Variants in AXDND1 observed in about 807,000 individuals in gnomAD.
The protein encoded by AXDND1 is axonemal dynein light chain domain-containing protein 1.
Under a neutral mutation model 137.5 loss-of-function variants are expected in AXDND1, and 110 were observed. That is an observed-to-expected ratio of 0.80 (90% confidence interval 0.69 to 0.94). The LOEUF (loss-of-function observed/expected upper bound fraction) is 0.94, where lower values mean the gene tolerates loss of function less well. Among genes scored for constraint, AXDND1 ranks in the 40% least tolerant of loss-of-function variants. The pLI is 0.00. For synonymous variants in AXDND1, 414 were observed against 399.7 expected (o/e 1.04, Z -0.43); for missense variants, 1,191 against 1,169.8 (o/e 1.02, Z -0.26).
intron 6 of AXDND1, among the ~76,000 whole-genome samples, chr1:179,382,385 A>C (rs1648517812): frequency 6.6e-6 from 1 of 152,060 alleles, no homozygotes; most frequent in Non-Finnish European, 1.5e-5. Flanking sequence ...CCGGCCCATT[A>C]TTTTGATGCT....
At chr1:179,539,894 A>T (rs1671951368) in intron 25 of AXDND1, among the ~76,000 whole-genome samples, 1 of 151,630 alleles carries the variant, frequency 6.6e-6, no homozygotes, top group Non-Finnish European at 1.5e-5. Flanking sequence ...ATTTCTTTTC[A>T]GTCTTTTTTC....
intron 25 of AXDND1, among the ~76,000 whole-genome samples, chr1:179,547,666 A>C (rs1047961874): frequency 6.6e-6 from 1 of 152,184 alleles, no homozygotes; most frequent in African/African-American, 2.4e-5. Flanking sequence ...TCCCACGAGC[A>C]CCTGACCTGG....
At chr1:179,524,654 C>T (rs1670373318) in intron 21 of AXDND1, among the ~76,000 whole-genome samples, 1 of 152,180 alleles carries the variant, frequency 6.6e-6, no homozygotes, top group African/African-American at 2.4e-5. Context: ...CGTGTCCATC[C>T]AGTCAATCAC....
At chr1:179,417,927 C>T (rs1341917010) in intron 12 of AXDND1, among the ~76,000 whole-genome samples, 1 of 150,108 alleles carries the variant, frequency 6.7e-6, no homozygotes, top group South Asian at 2.1e-4. Context: ...TACTTCTTTT[C>T]CAAATTTAGG....
intron 18 of AXDND1, among the ~76,000 whole-genome samples, chr1:179,484,857 A>C (rs36027796): frequency 0.55 from 83,540 of 152,046 alleles, 23,249 homozygotes; most frequent in East Asian, 0.76. Flanking sequence ...TGGCCCCACA[A>C]TCTGTCCTGC....
At chr1:179,525,713 T>G (rs1464157982) in intron 22 of AXDND1, among the ~76,000 whole-genome samples, 3 of 151,994 alleles carry the variant, frequency 2.0e-5, no homozygotes, top group Non-Finnish European at 1.5e-5. Flanking sequence ...CCCAGGCTGG[T>G]CTTGAACTGG....
intron 21 of AXDND1, among the ~76,000 whole-genome samples, chr1:179,517,000 C>A (rs1238434770): frequency 6.6e-6 from 1 of 152,122 alleles, no homozygotes; most frequent in East Asian, 1.9e-4. Context: ...TGGTGGTGGG[C>A]AGAGCCCCAG....
intron 20 of AXDND1, among the ~76,000 whole-genome samples, chr1:179,502,307 G>C (rs1668070748): frequency 6.6e-6 from 1 of 152,196 alleles, no homozygotes; most frequent in Admixed American, 6.5e-5. Flanking sequence ...GCTTACGCCT[G>C]TAATCTCAGC....
In AXDND1 at chr1:179,434,441, C is replaced by T. The variant is rs761618701; in HGVS notation, c.1563+2099C>T. Among the ~76,000 whole-genome samples, 8 of 152,218 alleles carry T rather than the reference C, an allele frequency of 5.3e-5. No homozygotes were observed. In the South Asian group the frequency reaches 8.3e-4, roughly 16 times the overall value. ...CCAGTATCCCTGATGAACATTGATG[C>T]GAAAATCCTCAATAAAATACTGGCA... On this transcript the variant is annotated intron_variant, in intron 15 of 25. Transcript: ENST00000367618.
At chr1:179,454,836 A>C (rs1398585810) in intron 16 of AXDND1, 1 of 152,258 alleles carries the variant, frequency 6.6e-6, no homozygotes, top group African/African-American at 2.4e-5. Context: ...GCTCAAACCT[A>C]TAATTCTAGC....
At position 179,527,596 on chromosome 1, in the gene AXDND1, T is replaced by C. The variant is rs536745065; in HGVS notation, c.2611-731T>C. The stretch of plus-strand genomic sequence containing the variant: ...ACAAGCTGATCACCAGCCTTTATAA[T>C]AAAGTACACTATTCTTAGTGTTAAT... On this transcript the variant is annotated intron_variant, in intron 22 of 25. Coordinates refer to ENST00000367618, the MANE Select transcript of AXDND1 (RefSeq NM_144696.6). Among the ~76,000 whole-genome samples, 4 of 152,320 alleles carry C rather than the reference T, an allele frequency of 2.6e-5. No homozygotes were observed. In the East Asian group the frequency reaches 7.7e-4, roughly 29 times the overall value.
chr1:179,476,410 TTC>T (rs1211261178), intron 17 of AXDND1, among the ~76,000 whole-genome samples: 3 of 152,204 alleles, frequency 2.0e-5, no homozygotes, highest in Non-Finnish European at 4.4e-5. Context: ...TATGCATACA[TTC>T]TGTCTTTTAA....
intron 18 of AXDND1, among the ~76,000 whole-genome samples, chr1:179,483,424 A>G (rs567163296): frequency 8.1e-4 from 123 of 152,362 alleles, no homozygotes; most frequent in African/African-American, 2.9e-3. Context: ...TTGCAATTGA[A>G]GAGTCAATGA....
chr1:179,413,111 C>CA (rs893642097), intron 12 of AXDND1, among the ~76,000 whole-genome samples: 3 of 151,444 alleles, frequency 2.0e-5, no homozygotes, highest in South Asian at 2.1e-4. Context: ...AATTGATATA[C>CA]AAAAAAAACA....
At chr1:179,502,438 C>T (rs1280668580) in intron 20 of AXDND1, among the ~76,000 whole-genome samples, 2 of 151,888 alleles carry the variant, frequency 1.3e-5, no homozygotes. Flanking sequence ...GTGGCACGCA[C>T]CGGCAGTCCC....
chr1:179,466,641 A>T (rs958514882), intron 16 of AXDND1, among the ~76,000 whole-genome samples: 1 of 152,108 alleles, frequency 6.6e-6, no homozygotes, highest in African/African-American at 2.4e-5. Flanking sequence ...TTTAAAATCC[A>T]TGTCTGGTGA....
chr1:179,478,291 C>G (rs1013154606), intron 17 of AXDND1, among the ~76,000 whole-genome samples: 1 of 152,254 alleles, frequency 6.6e-6, no homozygotes, highest in African/African-American at 2.4e-5. Flanking sequence ...CCCTTCTGCA[C>G]TGCCCTAGCA....
chr1:179,545,673 C>T (rs556628265), intron 25 of AXDND1: 1 of 152,182 alleles, frequency 6.6e-6, no homozygotes. Flanking sequence ...TATTGATTTT[C>T]CACTTTGCAG....
At chr1:179,457,374 C>T (rs1661568459) in intron 16 of AXDND1, 5 of 450,584 alleles carry the variant, frequency 1.1e-5, no homozygotes, top group South Asian at 7.4e-5. Context: ...GCTTCTTCGG[C>T]GGCGTCCAGG....
Sources: allele counts gnomAD v4.1 joint callset (sites outside exome capture counted in the v4.1 genomes callset), GRCh38; gene constraint gnomAD v4.1.1; transcripts MANE v1.5; gene names NCBI Gene and HGNC (gene_info 2026-07-23, HGNC 2026-07-21).